AHNAK: variants seen among roughly 807,000 people sequenced by gnomAD.
AHNAK encodes the protein AHNAK nucleoprotein, also known as neuroblast differentiation-associated protein AHNAK.
A neutral mutation model predicts 37.8 loss-of-function variants in AHNAK; 23 were observed. The ratio of observed to expected loss-of-function variants is 0.61; its 90% CI spans 0.44 to 0.86. The LOEUF is 0.86. Ranked by LOEUF, AHNAK falls within the 40% of genes least tolerant of loss-of-function variation. The pLI, the probability that AHNAK is intolerant of heterozygous loss-of-function variation, is 0.00. For missense variants in AHNAK, 7,411 were observed against 7,319.4 expected (o/e 1.01, Z -0.46); for synonymous variants, 2,481 against 2,636.3 (o/e 0.94, Z 1.80).
chr11:62,529,498 T>G lies in AHNAK; in HGVS notation c.4919A>C (p.Lys1640Thr), dbSNP rs1467471823. ...GAAATGCATCTCAGGCATCTTAAAC[T>G]TGGGGCCCTTCAACTTCCCTTCTGG... ...EGPEGKLKGP[K>T]FKMPEMHFKA... The change falls in exon 5 of 5, where the codon AAG (lysine) becomes ACG (threonine). Residue 1640 changes from lysine (K) to threonine (T), a missense_variant. Coordinates refer to ENST00000378024, the MANE Select transcript of AHNAK (RefSeq NM_001620.3). 11 of 1,614,178 alleles carry G rather than the reference T, an allele frequency of 6.8e-6. No individual in the cohort carries two copies. Among genetic ancestry groups the G allele is most frequent in the Non-Finnish European group, 9.3e-6 (11 of 1,180,042 alleles).
intron 5 of AHNAK, chr11:62,491,675 G>A: frequency 6.7e-7 from 1 of 1,488,476 alleles, no homozygotes; most frequent in Non-Finnish European, 9.2e-7. Context: ...CTGTGATAAA[G>A]GGTATCATTA....
rs1471825504 is a variant in AHNAK at position 62,518,696 on chromosome 11, T to A, written c.15721A>T (p.Ile5241Phe). 1 of 1,614,120 alleles carries A rather than the reference T, an allele frequency of 6.2e-7. No individual in the cohort carries two copies. The highest frequency in any genetic ancestry group is 1.7e-5 in the Admixed American group (1 of 60,014). Residue 5241 changes from isoleucine (I) to phenylalanine (F), a missense_variant, in exon 5 of 5, where the codon ATC (isoleucine) becomes TTC (phenylalanine). By Grantham distance (21) the Ile-to-Phe change is conservative. Coordinates refer to ENST00000378024, the MANE Select transcript of AHNAK (RefSeq NM_001620.3). ...IKFPKFSMPK[I>F]GIPGVKMEGG... is the part of the protein sequence containing the mutation. ...TCCATTTTCACACCTGGGATGCCGA[T>A]CTTGGGCATGGAAAACTTGGGGAAC... is the stretch of plus-strand genomic sequence containing the variant.
chr11:62,527,861 T>C lies in AHNAK; in HGVS notation c.6556A>G (p.Met2186Val), dbSNP rs1940558208. 3.7e-6 allele frequency: 6 copies of C among 1,613,844 alleles called. No individual in the cohort carries two copies. In the East Asian group the frequency reaches 1.3e-4, roughly 36 times the overall value. Residue 2186 changes from methionine (M) to valine (V), a missense_variant, in exon 5 of 5, where the codon ATG becomes GTG. Met to Val is a conservative substitution (Grantham distance 21). Coordinates refer to ENST00000378024, the MANE Select transcript of AHNAK (RefSeq NM_001620.3). ...EMHFKTPKISMPDVNLNLKGP... is the reference protein window; with the variant it reads ...EMHFKTPKISVPDVNLNLKGP... ...TTCAAGTTTAAGTTCACATCAGGCA[T>C]GGAGATCTTGGGGGTCTTGAAGTGC... is the stretch of plus-strand genomic sequence containing the variant.
In AHNAK at chr11:62,536,043, C is replaced by G. The variant is rs750620629; in HGVS notation, c.56G>C (p.Gly19Ala). ...CTGGGCGATGGTCAGCCCGTGGGAG[C>G]CACTACCCTGCCAGTTGGGCAGCAG... ...ELLLPNWQGSGSHGLTIAQRD... is the reference protein window; with the variant it reads ...ELLLPNWQGSASHGLTIAQRD... Residue 19 changes from glycine to alanine, a missense_variant, in exon 3 of 5, where the codon GGC becomes GCC. Coordinates refer to ENST00000378024, the MANE Select transcript of AHNAK (RefSeq NM_001620.3). 6 of 1,610,832 alleles carry G rather than the reference C, an allele frequency of 3.7e-6. No homozygotes were observed. The highest frequency in any genetic ancestry group is 3.4e-5 in the Admixed American group (2 of 59,658).
At chr11:62,479,292 C>T (rs929669575) in intron 5 of AHNAK, among the ~76,000 whole-genome samples, 2 of 151,368 alleles carry the variant, frequency 1.3e-5, no homozygotes, top group Middle Eastern at 3.4e-3. Context: ...CTCGGCCTCC[C>T]GAGTAGCTGG....
chr11:62,482,450 G>A (rs902435760), intron 5 of AHNAK, among the ~76,000 whole-genome samples: 4 of 152,144 alleles, frequency 2.6e-5, no homozygotes, highest in Admixed American at 1.3e-4. Context: ...AAGGACTCTG[G>A]AGCCCCCCTG....
At chr11:62,476,349 A>G (rs189592517) in intron 5 of AHNAK, among the ~76,000 whole-genome samples, 15 of 152,314 alleles carry the variant, frequency 9.8e-5, no homozygotes, top group Non-Finnish European at 1.8e-4. Flanking sequence ...AGATTGCACC[A>G]CTGCTCTCCA....
chr11:62,454,090 G>C (rs1938599069), intron 5 of AHNAK, among the ~76,000 whole-genome samples: 1 of 147,518 alleles, frequency 6.8e-6, no homozygotes, highest in East Asian at 2.0e-4. Flanking sequence ...CTGGGCAACA[G>C]AGCGAATCTC....
intron 5 of AHNAK, among the ~76,000 whole-genome samples, chr11:62,478,893 T>C (rs1302350765): frequency 6.6e-6 from 1 of 152,106 alleles, no homozygotes; most frequent in Non-Finnish European, 1.5e-5. Context: ...TGTTTGTTTC[T>C]AAAACAGAGT....
rs143805219 is a variant in AHNAK, at chr11:62,517,167, C to T, written c.17250G>A (p.Leu5750=). The change falls in exon 5 of 5, where the codon CTG becomes CTA. Residue 5750 remains leucine, a synonymous_variant. Coordinates refer to ENST00000378024, the MANE Select transcript of AHNAK (RefSeq NM_001620.3). The part of the protein sequence containing the change: ...KGDLKSSKAS[L]GSLEGEAEAE... Reference sequence around the variant, plus strand: ...CCTCTGCCTCTCCTTCCAGAGAGCCCAGGCTGGCCTTTGAACTTTTCAGGT... The same window carrying T: ...CCTCTGCCTCTCCTTCCAGAGAGCCTAGGCTGGCCTTTGAACTTTTCAGGT... 2 of 1,613,592 alleles carry T rather than the reference C, an allele frequency of 1.2e-6. No homozygotes were observed. Among genetic ancestry groups the T allele is most frequent in the African/African-American group, 1.3e-5 (1 of 75,012 alleles).
At chr11:62,507,088 C>A (rs144383627) in intron 4 of AHNAK, among the ~76,000 whole-genome samples, 7 of 152,128 alleles carry the variant, frequency 4.6e-5, no homozygotes, top group East Asian at 1.9e-4. Context: ...TCCCTCCCCC[C>A]ACTCCTCTCC....
At chr11:62,455,504 G>C (rs956246260) in intron 5 of AHNAK, among the ~76,000 whole-genome samples, 3 of 151,978 alleles carry the variant, frequency 2.0e-5, no homozygotes, top group African/African-American at 7.2e-5. Flanking sequence ...TCGGCAGTTT[G>C]AGACCAGCCT....
rs745731833 is a variant in AHNAK, at chr11:62,529,466, G to A, written c.4951C>T (p.Pro1651Ser). 5.9e-5 allele frequency: 95 copies of A among 1,613,810 alleles called. No individual in the cohort carries two copies. The highest frequency in any genetic ancestry group is 7.4e-5 in the Non-Finnish European group (87 of 1,179,992). The part of the protein sequence containing the change: ...FKMPEMHFKA[P>S]KISMPDVDLH... ...TCCACATCGGGCATGGAGATCTTGGGGGCCTTGAAATGCATCTCAGGCATC... is the reference window on the plus strand; with the variant it reads ...TCCACATCGGGCATGGAGATCTTGGAGGCCTTGAAATGCATCTCAGGCATC... Residue 1651 changes from proline to serine, a missense_variant, in exon 5 of 5, where the codon CCC (proline) becomes TCC (serine). Transcript: ENST00000378024.
intron 5 of AHNAK, among the ~76,000 whole-genome samples, chr11:62,442,097 T>G (rs915676694): frequency 2.6e-5 from 4 of 152,136 alleles, no homozygotes; most frequent in Admixed American, 2.6e-4. Flanking sequence ...TACAAAGCAA[T>G]GGGTGGTGTT....
Position 62,524,912 on chromosome 11 carries a change from C to T in AHNAK, c.9505G>A (p.Glu3169Lys), listed in dbSNP as rs1565233141. 1 of 1,613,976 alleles carries T rather than the reference C, an allele frequency of 6.2e-7. No homozygotes were observed. ...SMPGFKGEGP[E>K]VDVNLPKADL... ...GCCTTGGGCAGGTTCACGTCCACTT[C>T]TGGACCTTCTCCTTTGAAGCCAGGC... Residue 3169 changes from glutamate to lysine, a missense_variant, in exon 5 of 5, where the codon GAA (glutamate) becomes AAA (lysine). By Grantham distance (56) the Glu-to-Lys change is moderately conservative (BLOSUM62 1). Coordinates refer to ENST00000378024, the MANE Select transcript of AHNAK (RefSeq NM_001620.3).
chr11:62,482,984 C>T (rs1234187961), intron 5 of AHNAK, among the ~76,000 whole-genome samples: 1 of 152,136 alleles, frequency 6.6e-6, no homozygotes, highest in East Asian at 1.9e-4. Context: ...CACAAAGACA[C>T]ACAAAAACGT....
chr11:62,460,472 A>G (rs1938758856), intron 5 of AHNAK, among the ~76,000 whole-genome samples: 1 of 152,164 alleles, frequency 6.6e-6, no homozygotes, highest in Admixed American at 6.6e-5. Flanking sequence ...TGTGGACATC[A>G]GGCCCAGTTG....
intron 5 of AHNAK, among the ~76,000 whole-genome samples, chr11:62,471,810 C>T (rs537251695): frequency 4.1e-4 from 62 of 151,864 alleles, no homozygotes; most frequent in African/African-American, 1.5e-3. Flanking sequence ...ACCCCTCAGC[C>T]CCGCACACTG....
At position 62,530,545 on chromosome 11, in the gene AHNAK, T is replaced by C. The variant is rs773707685; in HGVS notation, c.3872A>G (p.Asp1291Gly). 6.2e-6 allele frequency: 10 copies of C among 1,611,290 alleles called. No individual in the cohort carries two copies. The African/African-American group carries it at 6.8e-5, about 11-fold the overall frequency. ...ADIDVSGPKV[D>G]VEVPDVSLEG... Reference sequence around the variant, plus strand: ...AAGGCTCACATCTGGGACTTCAACATCCACCTTGGGTCCTGAGACATCAAT... The same window carrying C: ...AAGGCTCACATCTGGGACTTCAACACCCACCTTGGGTCCTGAGACATCAAT... Residue 1291 changes from aspartate to glycine, a missense_variant, in exon 5 of 5, where the codon GAT becomes GGT. Asp to Gly is a moderately conservative substitution (Grantham distance 94). Transcript: ENST00000378024.
Sources: allele counts gnomAD v4.1 joint callset (sites outside exome capture counted in the v4.1 genomes callset), GRCh38; gene constraint gnomAD v4.1.1; transcripts MANE v1.5; gene names NCBI Gene and HGNC (gene_info 2026-07-23, HGNC 2026-07-21).